DTL: variants seen among roughly 807,000 people sequenced by gnomAD.
DTL encodes denticleless protein homolog.
DTL carries 46 observed loss-of-function variants against 87.0 expected under a neutral mutation model. That is an observed-to-expected ratio of 0.53 (90% CI 0.42 to 0.68). The LOEUF is 0.68. DTL is among the 30% of genes least tolerant of loss of function. DTL has a pLI of 0.00. For missense variants in DTL, 737 were observed against 869.4 expected, an observed-to-expected ratio of 0.85 and a Z score of 1.91; for synonymous variants, 308 against 311.2, an observed-to-expected ratio of 0.99 and a Z score of 0.11.
intron 6 of DTL, among the ~76,000 whole-genome samples, chr1:212,063,915 C>T (rs1409676632): frequency 2.9e-5 from 4 of 138,018 alleles, no homozygotes; most frequent in South Asian, 2.3e-4. Flanking sequence ...TTTTTGGAGA[C>T]GGAGTCTCAC....
Position 212,100,408 on chromosome 1 carries a change from C to G in DTL, c.1418C>G (p.Pro473Arg). ...NTPTFSIKTSPAKARSPINRR... is the reference protein window; with the variant it reads ...NTPTFSIKTSRAKARSPINRR... ...CCTACGTTCTCTATTAAAACCTCTC[C>G]TGCCAAGGCCCGGTCTCCCATCAAC... is the stretch of plus-strand genomic sequence containing the variant. The change falls in exon 14 of 15, where the codon CCT becomes CGT. Residue 473 changes from proline to arginine, a missense_variant. By Grantham distance (103) the Pro-to-Arg change is moderately radical. Coordinates refer to ENST00000366991, the MANE Select transcript of DTL (RefSeq NM_016448.4). 2 of 1,613,994 alleles carry G rather than the reference C, an allele frequency of 1.2e-6. No homozygotes were observed. Among genetic ancestry groups the G allele is most frequent in the Non-Finnish European group, 1.7e-6 (2 of 1,179,986 alleles).
chr1:212,038,111 A>G (rs1028453654), intron 1 of DTL, among the ~76,000 whole-genome samples: 62 of 152,196 alleles, frequency 4.1e-4, no homozygotes, highest in African/African-American at 1.3e-3. Flanking sequence ...CCATGTAGAC[A>G]CACCAGTGAA....
At chr1:212,064,640 A>G (rs1490692482) in intron 6 of DTL, among the ~76,000 whole-genome samples, 1 of 152,186 alleles carries the variant, frequency 6.6e-6, no homozygotes, top group African/African-American at 2.4e-5. Context: ...AGTGCTGAAT[A>G]ATATTCCATT....
At position 212,072,175 on chromosome 1, in the gene DTL, G is replaced by C; in HGVS notation, c.997G>C (p.Val333Leu). 2 of 1,614,032 alleles carry C rather than the reference G, an allele frequency of 1.2e-6. No homozygotes were observed. The highest frequency in any genetic ancestry group is 1.7e-6 in the Non-Finnish European group (2 of 1,179,950). ...CCTTAGTCCAGATGACCAGTTTTTA[G>C]TCAGTGGCTCAAGTGATGAAGCTGC... is the stretch of plus-strand genomic sequence containing the variant. Reference protein sequence around the residue: ...SSLSPDDQFLVSGSSDEAAYI... With the variant: ...SSLSPDDQFLLSGSSDEAAYI... The change falls in exon 11 of 15, where the codon GTC (valine) becomes CTC (leucine). Residue 333 changes from valine (V) to leucine (L), a missense_variant. By Grantham distance (32) the Val-to-Leu change is conservative. Transcript: ENST00000366991.
chr1:212,069,959 C>T (rs1456690399), intron 10 of DTL, among the ~76,000 whole-genome samples: 1 of 152,166 alleles, frequency 6.6e-6, no homozygotes, highest in African/African-American at 2.4e-5. Context: ...TGATACTTTG[C>T]ACTGGGTCTA....
chr1:212,048,350 G>A (rs1438027149), intron 5 of DTL, among the ~76,000 whole-genome samples: 1 of 151,910 alleles, frequency 6.6e-6, no homozygotes, highest in Non-Finnish European at 1.5e-5. Context: ...CTGCCACCAC[G>A]CCCAGCTAAT....
At chr1:212,075,786 A>C (rs1484786402) in intron 11 of DTL, among the ~76,000 whole-genome samples, 1 of 152,186 alleles carries the variant, frequency 6.6e-6, no homozygotes, top group African/African-American at 2.4e-5. Flanking sequence ...TTACTATTGT[A>C]ATCACAGTGT....
chr1:212,041,711 C>T (rs1667650672), intron 1 of DTL, among the ~76,000 whole-genome samples: 1 of 152,050 alleles, frequency 6.6e-6, no homozygotes, highest in Non-Finnish European at 1.5e-5. Flanking sequence ...GGGGTTTCAC[C>T]GTGTTAGCCA....
chr1:212,068,496 C>A, intron 9 of DTL, 103 bp from the exon 10 acceptor site: 1 of 871,580 alleles, frequency 1.1e-6, no homozygotes, highest in South Asian at 1.7e-5. Context: ...ACAAAGAATT[C>A]TGATGATGAT....
chr1:212,040,368 G>A (rs1400385362), intron 1 of DTL, among the ~76,000 whole-genome samples: 1 of 152,150 alleles, frequency 6.6e-6, no homozygotes, highest in Non-Finnish European at 1.5e-5. Context: ...ATCCTTGAAG[G>A]ATATGTTCCA....
chr1:212,040,533 A>G (rs930863578), intron 1 of DTL, among the ~76,000 whole-genome samples: 7 of 152,272 alleles, frequency 4.6e-5, no homozygotes, highest in Non-Finnish European at 7.3e-5. Flanking sequence ...GCCTCTCGGA[A>G]TATCTCATGG....
intron 5 of DTL, among the ~76,000 whole-genome samples, chr1:212,058,243 C>T (rs907296264): frequency 6.6e-6 from 1 of 152,120 alleles, no homozygotes; most frequent in African/African-American, 2.4e-5. Context: ...CCAACAGCTA[C>T]AGAATACACA....
At chr1:212,048,960 T>C (rs1433603091) in intron 5 of DTL, among the ~76,000 whole-genome samples, 1 of 152,170 alleles carries the variant, frequency 6.6e-6, no homozygotes, top group African/African-American at 2.4e-5. Flanking sequence ...TCTCACTCTG[T>C]TGCCCAGGCT....
rs1215214259 is a variant in DTL, at chr1:212,047,359, A to G, written c.402A>G (p.Gly134=). The G allele has an allele frequency of 6.2e-7, 1 of 1,614,198 alleles. No homozygotes were observed. Residue 134 remains glycine, a synonymous_variant, in exon 5 of 15, where the codon GGA becomes GGG. Coordinates refer to ENST00000366991, the MANE Select transcript of DTL (RefSeq NM_016448.4). The part of the protein sequence containing the change: ...FWDVKAGELI[G]TCKGHQCSLK... ...ACGTAAAAGCTGGTGAGCTGATTGGAACATGCAAAGGTCATCAATGCAGCC... is the reference window on the plus strand; with the variant it reads ...ACGTAAAAGCTGGTGAGCTGATTGGGACATGCAAAGGTCATCAATGCAGCC...
Position 212,078,198 on chromosome 1 carries a change from C to T in DTL, c.1061C>T (p.Thr354Ile), listed in dbSNP as rs1236840095. 5.6e-6 allele frequency: 9 copies of T among 1,612,170 alleles called. No individual in the cohort carries two copies. Among genetic ancestry groups the T allele is most frequent in the South Asian group, 3.3e-5 (3 of 91,044 alleles). Residue 354 changes from threonine (T) to isoleucine (I), a missense_variant, in exon 12 of 15, where the codon ACT becomes ATT. Physicochemically the swap from Thr to Ile is moderately conservative, Grantham distance 89 (BLOSUM62 -1). Coordinates refer to ENST00000366991, the MANE Select transcript of DTL (RefSeq NM_016448.4). ...WKVSTPWQPP[T>I]VLLGHSQEVT... Reference sequence around the variant, plus strand: ...GTCTCCACACCCTGGCAACCTCCTACTGTGCTCCTGGGTCATTCTCAAGAG... The same window carrying T: ...GTCTCCACACCCTGGCAACCTCCTATTGTGCTCCTGGGTCATTCTCAAGAG...
chr1:212,101,787 A>T (rs555507706), intron 14 of DTL, among the ~76,000 whole-genome samples: 1 of 152,356 alleles, frequency 6.6e-6, no homozygotes, highest in South Asian at 2.1e-4. Context: ...AATATCAGTC[A>T]TCAGTGATTG....
chr1:212,092,717 G>T (rs1329293155), intron 13 of DTL, among the ~76,000 whole-genome samples: 1 of 152,158 alleles, frequency 6.6e-6, no homozygotes, highest in Middle Eastern at 3.2e-3. Flanking sequence ...AAATTATGTT[G>T]CTATAAACAT....
Position 212,083,507 on chromosome 1 carries a change from G to A in DTL, c.1261+2757G>A, listed in dbSNP as rs547257727. ...GAATTGAAATACTAAAGGGAGATGG[G>A]AAAATAAGTGGTGATGAGTGGGATG... On this transcript the variant is annotated intron_variant, in intron 13 of 14. Transcript: ENST00000366991. Among the ~76,000 whole-genome samples the A allele has an allele frequency of 8.5e-5, 13 of 152,298 alleles. No homozygotes were observed. In the South Asian group the frequency reaches 2.1e-3, roughly 24 times the overall value.
chr1:212,053,123 G>C (rs2102537457), intron 5 of DTL, among the ~76,000 whole-genome samples: 1 of 152,132 alleles, frequency 6.6e-6, no homozygotes, highest in South Asian at 2.1e-4. Flanking sequence ...CTAATGTTCA[G>C]TTCTATTTTT....
Sources: gnomAD v4.1 joint callset for allele counts (sites outside exome capture counted in the v4.1 genomes callset) on GRCh38, gnomAD v4.1.1 for gene constraint, MANE v1.5 for transcripts, NCBI Gene and HGNC (gene_info 2026-07-23, HGNC 2026-07-21) for gene names.